The following TBC1D14 variants were observed in gnomAD, a reference collection of about 807,000 sequenced individuals.
TBC1D14 encodes the protein TBC1 domain family member 14, also known as TBC1 domain family, member 14.
A neutral mutation model predicts 79.0 loss-of-function variants in TBC1D14; 26 were observed. The ratio of observed to expected loss-of-function variants is 0.33; its 90% CI spans 0.24 to 0.46. The LOEUF is 0.46. Among genes scored for constraint, TBC1D14 ranks in the 20% least tolerant of loss-of-function variants. The pLI is 1.00. For missense variants in TBC1D14, 769 were observed against 887.6 expected (o/e 0.87, Z 1.70); for synonymous variants, 394 against 349.9 (o/e 1.13, Z -1.40).
At chr4:6,924,172 TC>T in intron 2 of TBC1D14, 61 bp downstream of exon 2, 1 of 1,528,672 alleles carries the variant, frequency 6.5e-7, no homozygotes, top group East Asian at 2.3e-5. Flanking sequence ...GTCTCCTTGT[TC>T]CTGTCTCAAA....
chr4:6,932,171 C>T (rs1711820701), intron 2 of TBC1D14, among the ~76,000 whole-genome samples: 2 of 151,880 alleles, frequency 1.3e-5, no homozygotes, highest in South Asian at 4.2e-4. Context: ...ACCAGCCTGG[C>T]CAAGATGGTG....
At chr4:6,954,231 C>G in intron 2 of TBC1D14, 1 of 714,438 alleles carries the variant, frequency 1.4e-6, no homozygotes, top group Non-Finnish European at 2.6e-6. Flanking sequence ...TCTGGCGTGC[C>G]AGGAATGCGG....
chr4:7,010,827 G>A (rs1462178090), intron 11 of TBC1D14, 46 bp downstream of exon 11: 9 of 1,579,130 alleles, frequency 5.7e-6, no homozygotes, highest in Non-Finnish European at 6.0e-6. Context: ...GTCTTTAAAT[G>A]TCAAGAGTTG....
intron 2 of TBC1D14, among the ~76,000 whole-genome samples, chr4:6,932,553 A>G (rs1711861543): frequency 6.6e-6 from 1 of 152,122 alleles, no homozygotes; most frequent in Non-Finnish European, 1.5e-5. Context: ...CAGATTCTGT[A>G]TGGGCATGTA....
At chr4:6,968,114 C>T (rs548080380) in intron 3 of TBC1D14, among the ~76,000 whole-genome samples, 2 of 152,306 alleles carry the variant, frequency 1.3e-5, no homozygotes, top group African/African-American at 4.8e-5. Context: ...CTGTCTGCCC[C>T]AAGTGTCGCG....
intron 9 of TBC1D14, among the ~76,000 whole-genome samples, chr4:7,008,802 G>A (rs1372351788): frequency 3.9e-5 from 6 of 152,214 alleles, no homozygotes; most frequent in African/African-American, 1.4e-4. Context: ...GAAAACCTTT[G>A]AAGTTAAACA....
At chr4:6,962,068 A>G (rs1028214073) in intron 2 of TBC1D14, among the ~76,000 whole-genome samples, 2 of 152,104 alleles carry the variant, frequency 1.3e-5, no homozygotes, top group African/African-American at 2.4e-5. Context: ...TAGAAAGAAG[A>G]AATGGTTCTC....
chr4:6,955,101 G>A (rs1032118164), intron 2 of TBC1D14, among the ~76,000 whole-genome samples: 4 of 152,214 alleles, frequency 2.6e-5, no homozygotes, highest in Admixed American at 6.5e-5. Flanking sequence ...TTCTTACATA[G>A]GAGGTTTGCT....
chr4:7,026,916 CAAAA>C (rs890702675), intron 13 of TBC1D14, among the ~76,000 whole-genome samples: 41 of 150,838 alleles, frequency 2.7e-4, no homozygotes, highest in Admixed American at 4.6e-4. Context: ...AACAAACAAA[CAAAA>C]AAAACAGGTT....
intron 3 of TBC1D14, among the ~76,000 whole-genome samples, chr4:6,989,675 C>T (rs574163185): frequency 2.0e-5 from 3 of 152,298 alleles, no homozygotes; most frequent in East Asian, 3.9e-4. Context: ...CTGCCAGGCC[C>T]GCGTGGTCCC....
chr4:6,914,952 TCGCTTGAACC>T lies in TBC1D14; in HGVS notation c.-18+5004_-18+5013del, dbSNP rs571038565. Among the ~76,000 whole-genome samples the T allele has an allele frequency of 3.3e-5, 5 of 152,232 alleles. No individual in the cohort carries two copies. In the East Asian group the frequency reaches 9.7e-4, roughly 29 times the overall value. ...TACTCAGGAGGCTGAGGCAGGAGAA[TCGCTTGAACC>T]CGGGAGGCGGAGGTTGTGGTGAGCC... On this transcript the variant is annotated intron_variant, in intron 1 of 13. Coordinates refer to ENST00000409757, the MANE Select transcript of TBC1D14 (RefSeq NM_020773.3).
intron 12 of TBC1D14, among the ~76,000 whole-genome samples, chr4:7,016,596 C>A (rs1721304316): frequency 6.6e-6 from 1 of 152,192 alleles, no homozygotes; most frequent in Non-Finnish European, 1.5e-5. Flanking sequence ...CCTTTACTTG[C>A]AAAAGGAAAT....
intron 2 of TBC1D14, among the ~76,000 whole-genome samples, chr4:6,926,112 T>C (rs778904742): frequency 2.6e-5 from 4 of 152,252 alleles, no homozygotes; most frequent in Non-Finnish European, 5.9e-5. Flanking sequence ...GCGTGGCCCG[T>C]GTGCCCATTA....
intron 2 of TBC1D14, among the ~76,000 whole-genome samples, chr4:6,949,894 A>ATT (rs1233934287): frequency 2.0e-5 from 3 of 151,954 alleles, no homozygotes; most frequent in Admixed American, 2.0e-4. Context: ...AATGCAGTGA[A>ATT]TTTTTTTATT....
chr4:6,951,260 C>A (rs1457872804), intron 2 of TBC1D14, among the ~76,000 whole-genome samples: 1 of 152,126 alleles, frequency 6.6e-6, no homozygotes, highest in Admixed American at 6.6e-5. Flanking sequence ...CCATTGCACT[C>A]CAGCCTGGGC....
intron 11 of TBC1D14, 135 bp from the exon 12 acceptor site, chr4:7,014,313 G>A (rs1721075217): frequency 1.7e-6 from 1 of 603,412 alleles, no homozygotes; most frequent in East Asian, 2.9e-5. Flanking sequence ...CCTACAATAA[G>A]TTGCCATTCA....
intron 1 of TBC1D14, 149 bp from the exon 2 acceptor site, chr4:6,923,224 C>G (rs1418656727): frequency 1.7e-5 from 16 of 917,828 alleles, no homozygotes; most frequent in African/African-American, 3.4e-5. Flanking sequence ...CCACTTCTAG[C>G]TTCTGGACTT....
chr4:6,960,236 C>G (rs987721840), intron 2 of TBC1D14, among the ~76,000 whole-genome samples: 9 of 151,726 alleles, frequency 5.9e-5, no homozygotes, highest in African/African-American at 2.2e-4. Flanking sequence ...TGCACATCAC[C>G]ATGCCTGGCT....
chr4:6,973,424 C>G (rs1716392919), intron 3 of TBC1D14, among the ~76,000 whole-genome samples: 1 of 152,070 alleles, frequency 6.6e-6, no homozygotes, highest in African/African-American at 2.4e-5. Flanking sequence ...ATCCCTTACG[C>G]CTTTGCAAAA....
Sources: gnomAD v4.1 joint callset for allele counts (sites outside exome capture counted in the v4.1 genomes callset) on GRCh38, gnomAD v4.1.1 for gene constraint, MANE v1.5 for transcripts, NCBI Gene and HGNC (gene_info 2026-07-23, HGNC 2026-07-21) for gene names.